The following RPSA2 variants were observed in gnomAD, a reference collection of about 807,000 sequenced individuals.
RPSA2 encodes the protein ribosomal protein SA 2, also known as small ribosomal subunit protein uS2B.
At chr19:23,811,240 C>A in the RPSA2 span, among the ~76,000 whole-genome samples, 1 of 152,060 alleles carries the variant, frequency 6.6e-6, no homozygotes. Flanking sequence ...TGGTCTTGAA[C>A]TTTTGACCTC....
the RPSA2 span, among the ~76,000 whole-genome samples, chr19:23,801,707 C>T: frequency 6.6e-6 from 1 of 152,192 alleles, no homozygotes; most frequent in Non-Finnish European, 1.5e-5. Context: ...AAGAATTTCT[C>T]ACAAACTAGT....
At chr19:23,829,310 A>G in the RPSA2 span, among the ~76,000 whole-genome samples, 13 of 151,004 alleles carry the variant, frequency 8.6e-5, no homozygotes, top group African/African-American at 3.2e-4. Flanking sequence ...TTATTTATTT[A>G]TTTGTTTGAG....
chr19:23,810,901 G>C, the RPSA2 span, among the ~76,000 whole-genome samples: 3 of 152,058 alleles, frequency 2.0e-5, no homozygotes. Flanking sequence ...CCTGTAGTTT[G>C]CCACCTGAAT....
the RPSA2 span, chr19:23,827,472 C>T: frequency 6.3e-7 from 1 of 1,583,366 alleles, no homozygotes. Flanking sequence ...GGCCGCTTCA[C>T]TCCTGGAACC....
At chr19:23,783,452 G>T in the RPSA2 span, among the ~76,000 whole-genome samples, 2 of 150,390 alleles carry the variant, frequency 1.3e-5, no homozygotes, top group African/African-American at 4.9e-5. Flanking sequence ...CAACTTTCCT[G>T]CATGGGCCCT....
At chr19:23,829,024 G>T in the RPSA2 span, among the ~76,000 whole-genome samples, 2 of 150,946 alleles carry the variant, frequency 1.3e-5, no homozygotes, top group African/African-American at 4.9e-5. Context: ...GTCCTTCTTT[G>T]TTTCTTTGGA....
At chr19:23,817,148 G>A in the RPSA2 span, among the ~76,000 whole-genome samples, 4 of 152,178 alleles carry the variant, frequency 2.6e-5, no homozygotes, top group Non-Finnish European at 5.9e-5. Context: ...TTGGGAGGCC[G>A]AGGTGGGCGG....
At chr19:23,864,877 G>A in the RPSA2 span, among the ~76,000 whole-genome samples, 1 of 152,096 alleles carries the variant, frequency 6.6e-6, no homozygotes, top group Admixed American at 6.6e-5. Context: ...GCAGATGACT[G>A]ACAACCACCC....
chr19:23,808,274 T>A, the RPSA2 span, among the ~76,000 whole-genome samples: 1 of 146,594 alleles, frequency 6.8e-6, no homozygotes, highest in Non-Finnish European at 1.5e-5. Context: ...CAAAATTAAT[T>A]TTTTTTTTTT....
chr19:23,795,351 A>G, the RPSA2 span, among the ~76,000 whole-genome samples: 1 of 151,994 alleles, frequency 6.6e-6, no homozygotes, highest in African/African-American at 2.4e-5. Flanking sequence ...TTACTTCTTT[A>G]AGCGTTGTTT....
At chr19:23,829,480 T>C in the RPSA2 span, among the ~76,000 whole-genome samples, 9 of 152,160 alleles carry the variant, frequency 5.9e-5, no homozygotes, top group Non-Finnish European at 1.2e-4. Context: ...TTTGTATTTT[T>C]AGTAGATATG....
chr19:23,823,518 C>T, the RPSA2 span, among the ~76,000 whole-genome samples: 2 of 152,112 alleles, frequency 1.3e-5, no homozygotes, highest in East Asian at 3.9e-4. Context: ...CTCCCAAAAC[C>T]ATCTCTTTCA....
chr19:23,868,289 G>A, the RPSA2 span, among the ~76,000 whole-genome samples: 4 of 152,256 alleles, frequency 2.6e-5, no homozygotes, highest in South Asian at 2.1e-4. Context: ...TCAGAGACAT[G>A]CTACAAGCCA....
At chr19:23,821,035 G>T in the RPSA2 span, among the ~76,000 whole-genome samples, 1 of 152,164 alleles carries the variant, frequency 6.6e-6, no homozygotes, top group African/African-American at 2.4e-5. Flanking sequence ...GATTGAATTG[G>T]GAGCAAAATA....
chr19:23,862,867 C>T, the RPSA2 span, among the ~76,000 whole-genome samples: 1 of 150,666 alleles, frequency 6.6e-6, no homozygotes, highest in African/African-American at 2.4e-5. Flanking sequence ...ATAATAATTA[C>T]ATCTACATCT....
the RPSA2 span, among the ~76,000 whole-genome samples, chr19:23,858,712 A>G: frequency 1.1e-4 from 16 of 152,210 alleles, no homozygotes; most frequent in Admixed American, 2.0e-4. Flanking sequence ...TGGACTGCGC[A>G]TGTTCAAAAT....
the RPSA2 span, among the ~76,000 whole-genome samples, chr19:23,781,387 A>G: frequency 5.9e-5 from 9 of 151,880 alleles, no homozygotes; most frequent in Non-Finnish European, 1.3e-4. Flanking sequence ...TACCCAGACT[A>G]GAGTGCAGTG....
At chr19:23,864,958 C>G in the RPSA2 span, among the ~76,000 whole-genome samples, 2 of 152,292 alleles carry the variant, frequency 1.3e-5, no homozygotes, top group South Asian at 4.1e-4. Flanking sequence ...TCACCAGAAG[C>G]AAGGAGCCCT....
the RPSA2 span, among the ~76,000 whole-genome samples, chr19:23,774,528 A>G: frequency 6.6e-6 from 1 of 152,158 alleles, no homozygotes; most frequent in African/African-American, 2.4e-5. Context: ...CTCAGAAGCC[A>G]TTGTGACATA....
Sources: gnomAD v4.1 joint callset for allele counts (sites outside exome capture counted in the v4.1 genomes callset) on GRCh38, gnomAD v4.1.1 for gene constraint, MANE v1.5 for transcripts, NCBI Gene and HGNC (gene_info 2026-07-23, HGNC 2026-07-21) for gene names.